The following LARP4B variants were observed in gnomAD, a reference collection of about 807,000 sequenced individuals.
LARP4B encodes the protein la-related protein 4B.
A neutral mutation model predicts 89.8 loss-of-function variants in LARP4B; 12 were observed. The ratio of observed to expected loss-of-function variants is 0.13; its 90% CI spans 0.09 to 0.22. The LOEUF (loss-of-function observed/expected upper bound fraction) is 0.22. LARP4B is among the 10% of genes least tolerant of loss of function. The pLI is 1.00. For missense variants in LARP4B, 757 were observed against 947.7 expected (o/e 0.80, Z 2.64); for synonymous variants, 367 against 363.3 (o/e 1.01, Z -0.12).
chr10:984,445 C>A, the LARP4B span, among the ~76,000 whole-genome samples: 1 of 152,114 alleles, frequency 6.6e-6, no homozygotes, highest in South Asian at 2.1e-4. Context: ...CAGCAGAATG[C>A]AAAGAATGTT....
At chr10:969,712 C>T in the LARP4B span, among the ~76,000 whole-genome samples, 1 of 151,898 alleles carries the variant, frequency 6.6e-6, no homozygotes, top group Non-Finnish European at 1.5e-5. Flanking sequence ...CGGAACAGCA[C>T]AGCAAGACTC....
intron 5 of LARP4B, among the ~76,000 whole-genome samples, chr10:851,505 C>T (rs1167975076): frequency 6.6e-6 from 1 of 151,998 alleles, no homozygotes; most frequent in Non-Finnish European, 1.5e-5. Flanking sequence ...TTGATAAGGT[C>T]AATAAAACTA....
Position 811,232 on chromosome 10 carries a change from A to C in LARP4B, c.*1694T>G, listed in dbSNP as rs1051485685. On this transcript the variant is annotated 3_prime_UTR_variant, in exon 18 of 18. Transcript: ENST00000316157. The stretch of plus-strand genomic sequence containing the variant: ...AAATAATATTCAAACCACAACATTT[A>C]GTTTATCTACATCCCGCTCAACAGC... 6.5e-6 allele frequency: 1 copy of C among 152,678 alleles called. No individual in the cohort carries two copies. Among genetic ancestry groups the C allele is most frequent in the African/African-American group, 2.4e-5 (1 of 41,462 alleles). 9.5% of individuals were successfully genotyped at this position (152,678 alleles called of 1,614,324 possible). A position where few individuals can be genotyped will look rare whatever the true frequency, so the allele number is the denominator to read the frequency against.
chr10:973,390 C>T, the LARP4B span, among the ~76,000 whole-genome samples: 3 of 151,980 alleles, frequency 2.0e-5, no homozygotes, highest in Non-Finnish European at 1.5e-5. Context: ...CTTGCTCTGT[C>T]ACCCAGGCTG....
intron 1 of LARP4B, among the ~76,000 whole-genome samples, chr10:927,001 G>A (rs1461687579): frequency 2.0e-5 from 3 of 150,992 alleles, no homozygotes; most frequent in African/African-American, 7.3e-5. Context: ...GATCGTGCCA[G>A]TGCGCTCCAG....
At chr10:930,447 C>A (rs1837265295) in intron 1 of LARP4B, among the ~76,000 whole-genome samples, 1 of 152,182 alleles carries the variant, frequency 6.6e-6, no homozygotes, top group African/African-American at 2.4e-5. Context: ...CAAACGAAAG[C>A]CAGATAGGAG....
the LARP4B span, among the ~76,000 whole-genome samples, chr10:967,388 C>T: frequency 6.6e-6 from 1 of 152,104 alleles, no homozygotes; most frequent in Non-Finnish European, 1.5e-5. Flanking sequence ...AAAAATTAAA[C>T]TATGAGAGCA....
chr10:915,984 A>G (rs955622326), intron 1 of LARP4B, among the ~76,000 whole-genome samples: 5 of 152,210 alleles, frequency 3.3e-5, no homozygotes, highest in African/African-American at 9.7e-5. Flanking sequence ...AAATTCTAAA[A>G]TTAAGTCTTT....
chr10:889,776 C>A (rs2131948972), intron 1 of LARP4B, among the ~76,000 whole-genome samples: 1 of 152,180 alleles, frequency 6.6e-6, no homozygotes, highest in East Asian at 1.9e-4. Flanking sequence ...GTGGTGAAAC[C>A]CCATCTCTAC....
intron 7 of LARP4B, among the ~76,000 whole-genome samples, chr10:841,931 G>A (rs902112343): frequency 6.6e-6 from 1 of 151,784 alleles, no homozygotes. Flanking sequence ...AAGTTCTCAT[G>A]TAAGATGCTC....
At position 921,710 on chromosome 10, in the gene LARP4B, T is replaced by A. The variant is rs137997704; in HGVS notation, c.-40+9718A>T. ...GGAGATTTTTAAGTGCCTCAATGCT[T>A]CTACAGTTTATTTGGCAATTCTACA... On this transcript the variant is annotated intron_variant, in intron 1 of 17. Transcript: ENST00000316157. 5.3e-5 allele frequency among the ~76,000 whole-genome samples: 8 copies of A among 152,308 alleles called. No homozygotes were observed. In the East Asian group the frequency reaches 1.5e-3, roughly 29 times the overall value.
At chr10:956,323 T>C in the LARP4B span, among the ~76,000 whole-genome samples, 35 of 151,932 alleles carry the variant, frequency 2.3e-4, no homozygotes, top group Non-Finnish European at 5.9e-5. The surrounding 1 kb of genome is among the most constrained non-coding windows in gnomAD (Gnocchi z 4.3). Flanking sequence ...GTTCAAGCAG[T>C]GTTGTCTCAC....
In LARP4B at chr10:810,845, A is replaced by G. The variant is rs1215406600; in HGVS notation, c.*2081T>C. On this transcript the variant is annotated 3_prime_UTR_variant, in exon 18 of 18. Coordinates refer to ENST00000316157, the MANE Select transcript of LARP4B (RefSeq NM_015155.3). ...ACAAAAAAAAATCCCCATGTTCTTTAAAATGCATTTGAAAAACACTAGCCC... is the reference window on the plus strand; with the variant it reads ...ACAAAAAAAAATCCCCATGTTCTTTGAAATGCATTTGAAAAACACTAGCCC... 4 of 141,942 alleles carry G rather than the reference A, an allele frequency of 2.8e-5. No homozygotes were observed. Among genetic ancestry groups the G allele is most frequent in the Admixed American group, 2.8e-4 (4 of 14,300 alleles). 8.8% of individuals were successfully genotyped at this position (141,942 alleles called of 1,614,324 possible).
chr10:959,859 C>T, the LARP4B span, among the ~76,000 whole-genome samples: 2 of 133,136 alleles, frequency 1.5e-5, no homozygotes, highest in South Asian at 5.2e-4. Flanking sequence ...CCTCGTCAAT[C>T]CACCTCCTCG....
chr10:830,838 T>C (rs913497255), intron 9 of LARP4B, 29 bp downstream of exon 9: 2 of 967,606 alleles, frequency 2.1e-6, no homozygotes, highest in Admixed American at 1.8e-5. Flanking sequence ...AACTATGCAA[T>C]TCATAGGGTG....
chr10:949,471 C>G, the LARP4B span, among the ~76,000 whole-genome samples: 3 of 151,510 alleles, frequency 2.0e-5, no homozygotes, highest in African/African-American at 7.3e-5. Context: ...AACCTGTTTT[C>G]CAGGCAGCTG....
chr10:977,017 G>A, the LARP4B span, among the ~76,000 whole-genome samples: 1 of 152,324 alleles, frequency 6.6e-6, no homozygotes, highest in Middle Eastern at 3.4e-3. Flanking sequence ...TGTGGAACTC[G>A]CTTTCTTGTC....
At chr10:820,681 A>T in intron 14 of LARP4B, 119 bp downstream of exon 14, 1 of 909,424 alleles carries the variant, frequency 1.1e-6, no homozygotes, top group East Asian at 2.5e-5. Context: ...ATTTCACGTT[A>T]CAAGTCTTTT....
At chr10:882,107 G>T (rs1049462134) in intron 3 of LARP4B, among the ~76,000 whole-genome samples, 5 of 152,092 alleles carry the variant, frequency 3.3e-5, no homozygotes, top group African/African-American at 9.7e-5. Context: ...GGGCCTGGGG[G>T]TGGGCTGGGG....
Sources: allele counts gnomAD v4.1 joint callset (sites outside exome capture counted in the v4.1 genomes callset), GRCh38; gene constraint gnomAD v4.1.1; non-coding constraint Gnocchi (gnomAD v3.1); transcripts MANE v1.5; gene names NCBI Gene and HGNC (gene_info 2026-07-23, HGNC 2026-07-21).